The following ABCB11 variants were observed in gnomAD, a reference collection of about 807,000 sequenced individuals.
ABCB11 encodes bile salt export pump.
In ABCB11, 95 loss-of-function variants were observed where a neutral mutation model predicts 148.0. The observed-to-expected ratio is 0.64, with a 90% CI of 0.54 to 0.76. The LOEUF is 0.76. Ranked by LOEUF, ABCB11 falls within the 30% of genes least tolerant of loss-of-function variation. The probability of loss-of-function intolerance (pLI) is 0.00; values close to 1 mark genes in which losing one functional copy is unlikely to be tolerated. For synonymous variants in ABCB11, 591 were observed against 555.4 expected, an observed-to-expected ratio of 1.06 and a Z score of -0.90; for missense variants, 1,523 against 1,617.8, an observed-to-expected ratio of 0.94 and a Z score of 1.01.
At chr2:169,026,860 T>C (rs937015717) in intron 1 of ABCB11, among the ~76,000 whole-genome samples, 22 of 152,188 alleles carry the variant, frequency 1.4e-4, no homozygotes, top group African/African-American at 4.3e-4. Context: ...CATTTGGCAC[T>C]TTCTATGATT....
At chr2:168,951,135 G>T (rs1692549829) in intron 19 of ABCB11, among the ~76,000 whole-genome samples, 1 of 151,200 alleles carries the variant, frequency 6.6e-6, no homozygotes, top group South Asian at 2.1e-4. Flanking sequence ...ATTGATCTAT[G>T]TGTCTATTTG....
rs1378443040 is a variant in ABCB11 at position 168,927,143 on chromosome 2, A to G, written c.3618+13T>C. 1 of 1,609,498 alleles carries G rather than the reference A, an allele frequency of 6.2e-7. No homozygotes were observed. The highest frequency in any genetic ancestry group is 8.5e-7 in the Non-Finnish European group (1 of 1,176,146). ...TTGTCTCTCATAGGGAATGGCTCTGACTTCGTACTCACCTCTGGGAGTGAC... is the reference window on the plus strand; with the variant it reads ...TTGTCTCTCATAGGGAATGGCTCTGGCTTCGTACTCACCTCTGGGAGTGAC... On this transcript the variant is annotated intron_variant, in intron 26 of 27. Transcript: ENST00000650372.
In ABCB11 at chr2:169,014,177, A is replaced by G. The variant is rs189631863; in HGVS notation, c.150+126T>C. The G allele has an allele frequency of 8.8e-5, 78 of 891,048 alleles. No individual in the cohort carries two copies. The East Asian group carries it at 1.1e-3, about 13-fold the overall frequency. The allele number at this position is 891,048 out of a possible 1,614,324, so 55.2% of individuals were successfully genotyped here. On this transcript the variant is annotated intron_variant, in intron 4 of 27. Transcript: ENST00000650372. ...GCATGTTATCACATAGGCAAAGCCT[A>G]TGACTGAAAAAGTGATCACTGAAGT...
rs853773 is a variant in ABCB11, at chr2:168,957,837, A to T, written c.2343+127T>A. On this transcript the variant is annotated intron_variant, in intron 19 of 27. Transcript: ENST00000650372. ...GTGATGGAGGCTTAGGAAATTTTTC[A>T]TTCTTTAGAGATGAGAAAAATGAAC... 7.1e-5 allele frequency: 70 copies of T among 989,274 alleles called. 1 individual carries two copies. The Admixed American group carries it at 9.3e-4, about 13-fold the overall frequency. 61.3% of individuals were successfully genotyped at this position (989,274 alleles called of 1,614,324 possible).
At chr2:168,930,897 T>C in intron 24 of ABCB11, 35 bp from the exon 25 acceptor site, 2 of 1,522,566 alleles carry the variant, frequency 1.3e-6, no homozygotes, top group Non-Finnish European at 1.8e-6. Context: ...GAGATGCTCT[T>C]ACTGAAGCCT....
At chr2:169,024,319 A>T (rs1244956543) in intron 1 of ABCB11, among the ~76,000 whole-genome samples, 1 of 152,194 alleles carries the variant, frequency 6.6e-6, no homozygotes, top group African/African-American at 2.4e-5. Flanking sequence ...TTTCCATCTT[A>T]AGCAGCATAC....
chr2:169,008,180 C>T (rs73020801), intron 5 of ABCB11, among the ~76,000 whole-genome samples: 3,821 of 152,196 alleles, frequency 0.025, 75 homozygotes, highest in African/African-American at 0.046. Context: ...GTAACAATTA[C>T]CACAATTAAA....
chr2:168,941,355 G>A (rs944353675), intron 21 of ABCB11, among the ~76,000 whole-genome samples: 1 of 151,958 alleles, frequency 6.6e-6, no homozygotes, highest in Non-Finnish European at 1.5e-5. Flanking sequence ...GAGGAGGTCA[G>A]AATATCCACA....
chr2:168,970,701 G>T (rs1693547204), intron 14 of ABCB11: 1 of 244,550 alleles, frequency 4.1e-6, no homozygotes, highest in Non-Finnish European at 8.2e-6. Flanking sequence ...CACAACATTG[G>T]AATCTAATAA....
intron 5 of ABCB11, 76 bp from the exon 6 acceptor site, chr2:168,996,798 G>A: frequency 1.8e-6 from 1 of 551,344 alleles, no homozygotes. Flanking sequence ...TGGATATAGA[G>A]GGATTTAAAA....
At chr2:168,990,205 T>C (rs1694464643) in intron 9 of ABCB11, among the ~76,000 whole-genome samples, 1 of 152,112 alleles carries the variant, frequency 6.6e-6, no homozygotes, top group Non-Finnish European at 1.5e-5. Context: ...AAATGTCTGG[T>C]AAAATTCAGC....
chr2:168,916,192 T>C (rs1307058727), downstream of ABCB11, among the ~76,000 whole-genome samples: 1 of 152,224 alleles, frequency 6.6e-6, no homozygotes, highest in African/African-American at 2.4e-5. Context: ...TTGGTAATCT[T>C]GTATAATAAT....
chr2:169,021,411 C>A (rs761634398), intron 1 of ABCB11, among the ~76,000 whole-genome samples: 2 of 152,010 alleles, frequency 1.3e-5, no homozygotes, highest in Non-Finnish European at 2.9e-5. Flanking sequence ...ATGTTCAAAA[C>A]AATAATGGAT....
At chr2:169,015,209 C>T (rs1031880522) in intron 3 of ABCB11, among the ~76,000 whole-genome samples, 4 of 152,170 alleles carry the variant, frequency 2.6e-5, no homozygotes, top group African/African-American at 9.7e-5. Flanking sequence ...CAATTATTTT[C>T]TCTACATCAT....
rs1270467682 is a variant in ABCB11 at position 168,923,283 on chromosome 2, C to T, written c.*339G>A. The T allele has an allele frequency of 1.4e-5, 5 of 352,346 alleles. No individual in the cohort carries two copies. The highest frequency in any genetic ancestry group is 8.2e-5 in the African/African-American group (4 of 48,636). The allele number at this position is 352,346 out of a possible 1,614,324, so 21.8% of individuals were successfully genotyped here. A position where few individuals can be genotyped will look rare whatever the true frequency, so the allele number is the denominator to read the frequency against. The stretch of plus-strand genomic sequence containing the variant: ...TGAGGAGTTCAAAGTGTCACTTACT[C>T]CCTGATGTCTCACTAATTCCCACAT... On this transcript the variant is annotated 3_prime_UTR_variant, in exon 28 of 28. Transcript: ENST00000650372.
chr2:168,930,797 C>T lies in ABCB11; in HGVS notation c.3279G>A (p.Ser1093=), dbSNP rs368393726. ...CKFTYPSRPD[S]QVLNGLSVSI... ...ACACTGAGAGACCATTCAGAACTTG[C>T]GAGTCAGGTCGAGAAGGATATGTAA... The change falls in exon 25 of 28, where the codon TCG becomes TCA. Residue 1093 remains serine, a synonymous_variant. Transcript: ENST00000650372. The T allele has an allele frequency of 2.2e-5, 35 of 1,612,782 alleles. No homozygotes were observed. The highest frequency in any genetic ancestry group is 1.2e-4 in the African/African-American group (9 of 74,904).
chr2:169,016,305 C>T (rs1159440212), intron 3 of ABCB11, among the ~76,000 whole-genome samples: 2 of 152,184 alleles, frequency 1.3e-5, no homozygotes, highest in Non-Finnish European at 2.9e-5. Flanking sequence ...TACCTGATGC[C>T]TCACTTCTGT....
chr2:168,925,229 C>T (rs954660546), intron 26 of ABCB11, among the ~76,000 whole-genome samples: 1 of 152,168 alleles, frequency 6.6e-6, no homozygotes, highest in African/African-American at 2.4e-5. Flanking sequence ...ATTAGGGAGG[C>T]AGCATTCTGG....
At chr2:168,969,960 TC>T in intron 15 of ABCB11, 84 bp downstream of exon 15, 1 of 546,852 alleles carries the variant, frequency 1.8e-6, no homozygotes, top group Non-Finnish European at 3.6e-6. Flanking sequence ...CTCCCATCCC[TC>T]CCACCCCACA....
Sources: allele counts gnomAD v4.1 joint callset (sites outside exome capture counted in the v4.1 genomes callset), GRCh38; gene constraint gnomAD v4.1.1; transcripts MANE v1.5; gene names NCBI Gene and HGNC (gene_info 2026-07-23, HGNC 2026-07-21).